ZNF718: variants seen among roughly 807,000 people sequenced by gnomAD.
ZNF718 encodes zinc finger protein 718.
A neutral mutation model predicts 2.6 loss-of-function variants in ZNF718; 3 were observed. The observed-to-expected ratio is 1.16, with a 90% CI of 0.53 to 3.01. The LOEUF (loss-of-function observed/expected upper bound fraction) is 3.01, where lower values mean the gene tolerates loss of function less well. ZNF718 is among the 30% of genes most tolerant of loss of function. ZNF718 has a pLI of 0.03. For missense variants in ZNF718, 468 were observed against 230.0 expected, an observed-to-expected ratio of 2.03 and a Z score of -6.69; for synonymous variants, 135 against 77.9, an observed-to-expected ratio of 1.73 and a Z score of -3.86.
chr4:141,506 T>A (rs575502298), intron 3 of ZNF718, among the ~76,000 whole-genome samples: 1 of 152,332 alleles, frequency 6.6e-6, no homozygotes, highest in East Asian at 1.9e-4. Context: ...TTCACATACA[T>A]GCTTGTTTCC....
In ZNF718 at chr4:161,201, A is replaced by G. The variant is rs560738237; in HGVS notation, c.516A>G (p.Lys172=). 5.2e-6 allele frequency: 4 copies of G among 771,616 alleles called. No individual in the cohort carries two copies. Among genetic ancestry groups the G allele is most frequent in the African/African-American group, 5.1e-5 (3 of 58,572 alleles). The allele number at this position is 771,616 out of a possible 1,614,324, so 47.8% of individuals were successfully genotyped here. The change falls in exon 4 of 4, where the codon AAA becomes AAG. Residue 172 remains lysine, a synonymous_variant. Transcript: ENST00000510175. ...KIRYTGDKTF[K]CKECGKSFHV... ...GATATACTGGAGATAAAACCTTTAA[A>G]TGTAAAGAATGTGGCAAATCATTTC... is the stretch of plus-strand genomic sequence containing the variant.
intron 3 of ZNF718, among the ~76,000 whole-genome samples, chr4:151,325 C>T (rs1716312500): frequency 6.6e-6 from 1 of 151,934 alleles, no homozygotes; most frequent in Non-Finnish European, 1.5e-5. Flanking sequence ...AGGCTGGTCT[C>T]AAACTCCTGA....
intron 3 of ZNF718, among the ~76,000 whole-genome samples, chr4:159,626 T>A (rs549045242): frequency 1.3e-5 from 2 of 152,300 alleles, no homozygotes; most frequent in African/African-American, 4.8e-5. Flanking sequence ...ATTGTTGTAT[T>A]TTTCACCTTC....
rs781967608 is a variant in ZNF718, at chr4:162,070, A to G, written c.1385A>G (p.Gln462Arg). ...AAAGAATGCGGGAAAGCTTTTAAGC[A>G]GTACTCCAACCTTCCTCAACATAAG... ...KCKECGKAFKQYSNLPQHKRT... is the reference protein window; with the variant it reads ...KCKECGKAFKRYSNLPQHKRT... Residue 462 changes from glutamine to arginine, a missense_variant, in exon 4 of 4, where the codon CAG (glutamine) becomes CGG (arginine). Coordinates refer to ENST00000510175, the MANE Select transcript of ZNF718 (RefSeq NM_001039127.6). The G allele has an allele frequency of 1.2e-5, 9 of 775,092 alleles. No homozygotes were observed. Among genetic ancestry groups the G allele is most frequent in the Non-Finnish European group, 1.9e-5 (8 of 415,342 alleles). 48.0% of individuals were successfully genotyped at this position (775,092 alleles called of 1,614,324 possible).
chr4:193,721 T>C (rs1717738424), intron 3 of ZNF718, among the ~76,000 whole-genome samples: 1 of 152,080 alleles, frequency 6.6e-6, no homozygotes. Flanking sequence ...GTTAACCTCC[T>C]GGTCCTCAAT....
rs370600392 is a variant in ZNF718 at position 173,813 on chromosome 4, G to A, written c.227-27268G>A. On this transcript the variant is annotated intron_variant and NMD_transcript_variant, in intron 3 of 4. Coordinates refer to the ZNF718 transcript ENST00000642529. The stretch of plus-strand genomic sequence containing the variant: ...ATCCCACAGAATTTGGCTGAGCGAG[G>A]GATGAAAGAAGTATGCAGACACAGG... Among the ~76,000 whole-genome samples, 91 of 152,212 alleles carry A rather than the reference G, an allele frequency of 6.0e-4. No homozygotes were observed. In the South Asian group the frequency reaches 0.018, roughly 29 times the overall value.
rs1390637879 is a variant in ZNF718, at chr4:130,686, G to A, written c.4-102G>A. ...GAGCCTGGGAGGTGAAGTTTGCAGT[G>A]AGCTGAGACCGTACCACTGCACTCC... On this transcript the variant is annotated intron_variant, in intron 1 of 3. Transcript: ENST00000510175. 777 of 177,022 alleles carry A rather than the reference G, an allele frequency of 4.4e-3. 216 individuals are homozygous for A. The highest frequency in any genetic ancestry group is 0.023 in the African/African-American group (723 of 31,242). The allele number at this position is 177,022 out of a possible 1,614,324, so 11.0% of individuals were successfully genotyped here.
chr4:174,259 C>A (rs1440464989), intron 3 of ZNF718, among the ~76,000 whole-genome samples: 2 of 152,186 alleles, frequency 1.3e-5, no homozygotes, highest in African/African-American at 4.8e-5. Context: ...CCTGACCAAT[C>A]TTCAGCCACC....
At chr4:137,445 G>C (rs1581428397) in intron 3 of ZNF718, among the ~76,000 whole-genome samples, 1 of 151,964 alleles carries the variant, frequency 6.6e-6, no homozygotes, top group East Asian at 1.9e-4. Flanking sequence ...ACATTTTTTA[G>C]GGGCTGCATC....
rs1382689852 is a variant in ZNF718, at chr4:129,428, C to T, written c.4-1360C>T. Among the ~76,000 whole-genome samples the T allele has an allele frequency of 1.9e-5, 2 of 104,072 alleles. 1 individual carries two copies. Among genetic ancestry groups the T allele is most frequent in the South Asian group, 6.0e-4 (2 of 3,342 alleles). The allele number at this position is 104,072 out of a possible 152,430, so 68.3% of individuals were successfully genotyped here. A position where few individuals can be genotyped will look rare whatever the true frequency, so the allele number is the denominator to read the frequency against. On this transcript the variant is annotated intron_variant, in intron 1 of 3. Transcript: ENST00000510175. ...GCTGAACCTTGTCCAGGTCTTACCC[C>T]ACACTGAAATCTCTCACAGAACTGC...
chr4:184,474 TTTG>T (rs1169294423), intron 3 of ZNF718, among the ~76,000 whole-genome samples: 1 of 152,172 alleles, frequency 6.6e-6, no homozygotes, highest in African/African-American at 2.4e-5. Context: ...GTTTTCTTTT[TTTG>T]TTGTTGTATC....
At chr4:181,871 T>A (rs1717472141) in intron 3 of ZNF718, among the ~76,000 whole-genome samples, 1 of 152,168 alleles carries the variant, frequency 6.6e-6, no homozygotes, top group Non-Finnish European at 1.5e-5. Context: ...TGTGTACATG[T>A]GTTCTCATTA....
intron 1 of ZNF718, chr4:124,888 C>T (rs782194652): frequency 4.2e-5 from 23 of 552,444 alleles, no homozygotes; most frequent in Non-Finnish European, 6.0e-5. Context: ...GGTAGCCCTG[C>T]ACTTTCCCCG....
rs148289795 is a variant in ZNF718, at chr4:192,343, C to T, written c.227-8738C>T. Among the ~76,000 whole-genome samples, 1,076 of 152,280 alleles carry T rather than the reference C, an allele frequency of 7.1e-3. 11 individuals are homozygous for T. Among genetic ancestry groups the T allele is most frequent in the Non-Finnish European group, 8.5e-3 (575 of 68,016 alleles). On this transcript the variant is annotated intron_variant and NMD_transcript_variant, in intron 3 of 4. Coordinates refer to the ZNF718 transcript ENST00000642529. ...CAATCATTGTCCCTCCCCCTGTGCTCTCAGTTGATACATGATTTGACTATT... is the reference window on the plus strand; with the variant it reads ...CAATCATTGTCCCTCCCCCTGTGCTTTCAGTTGATACATGATTTGACTATT...
At position 132,151 on chromosome 4, in the gene ZNF718, A is replaced by AG. The variant is rs1715366447; in HGVS notation, c.226+646_226+647insG. 2.0e-5 allele frequency among the ~76,000 whole-genome samples: 2 copies of AG among 101,372 alleles called. 1 individual carries two copies. Among genetic ancestry groups the AG allele is most frequent in the African/African-American group, 6.8e-5 (2 of 29,270 alleles). The allele number at this position is 101,372 out of a possible 152,430, so 66.5% of individuals were successfully genotyped here. A position where few individuals can be genotyped will look rare whatever the true frequency, so the allele number is the denominator to read the frequency against. Reference sequence around the variant, plus strand: ...GATTCAGTCTCAAAAAAAAAAAAAAAAACCCAGGAGGCAGAGGTTGTGATT... The same window carrying AG: ...GATTCAGTCTCAAAAAAAAAAAAAAAGAACCCAGGAGGCAGAGGTTGTGATT... On this transcript the variant is annotated intron_variant, in intron 3 of 3. Transcript: ENST00000510175.
chr4:171,144 G>A lies in ZNF718; in HGVS notation c.227-29937G>A, dbSNP rs372921752. ...CCTCTTTGCCTGGGTATCAGCAGCA[G>A]AAGCTGCAGAACAGCGGATATTGGT... is the stretch of plus-strand genomic sequence containing the variant. On this transcript the variant is annotated intron_variant and NMD_transcript_variant, in intron 3 of 4. Transcript: ENST00000642529. 9.2e-5 allele frequency among the ~76,000 whole-genome samples: 14 copies of A among 152,332 alleles called. No individual in the cohort carries two copies. In the South Asian group the frequency reaches 2.3e-3, roughly 25 times the overall value.
intron 3 of ZNF718, among the ~76,000 whole-genome samples, chr4:191,714 T>G (rs1465381317): frequency 6.6e-6 from 1 of 152,190 alleles, no homozygotes; most frequent in East Asian, 1.9e-4. Context: ...TCAAAATGGG[T>G]AAGTTAAAAT....
chr4:170,869 G>A (rs1335798883), intron 3 of ZNF718, among the ~76,000 whole-genome samples: 1 of 152,162 alleles, frequency 6.6e-6, no homozygotes, highest in Non-Finnish European at 1.5e-5. Flanking sequence ...TCTCTGTCCA[G>A]CTTTGTTCCA....
chr4:133,195 A>AAAAAAAAAATATATAT (rs1258303094), intron 3 of ZNF718, among the ~76,000 whole-genome samples: 1 of 20,774 alleles, frequency 4.8e-5, no homozygotes, highest in African/African-American at 1.7e-4. Flanking sequence ...AAAAAAAAAA[A>AAAAAAAAAATATATAT]ATATATATAT....
Sources: allele counts gnomAD v4.1 joint callset (sites outside exome capture counted in the v4.1 genomes callset), GRCh38; gene constraint gnomAD v4.1.1; transcripts MANE v1.5; gene names NCBI Gene and HGNC (gene_info 2026-07-23, HGNC 2026-07-21).